Variants in PRKG1 observed in about 807,000 individuals in gnomAD.
The protein encoded by PRKG1 is cGMP-dependent protein kinase 1.
A neutral mutation model predicts 88.1 loss-of-function variants in PRKG1; 35 were observed. The observed-to-expected ratio is 0.40, with a 90% confidence interval of 0.30 to 0.53. The LOEUF (loss-of-function observed/expected upper bound fraction) is 0.53. PRKG1 is among the 20% of genes least tolerant of loss of function. PRKG1 has a pLI of 0.59. For synonymous variants in PRKG1, 303 were observed against 292.5 expected (o/e 1.04, Z -0.37); for missense variants, 540 against 839.8 (o/e 0.64, Z 4.41).
chr10:51,923,833 T>A (rs1401485177), intron 5 of PRKG1, among the ~76,000 whole-genome samples: 2 of 152,104 alleles, frequency 1.3e-5, no homozygotes, highest in Non-Finnish European at 2.9e-5. Flanking sequence ...CCTTTTCTAA[T>A]GCTTTTTTTT....
At chr10:51,835,914 T>C (rs1205729612) in intron 4 of PRKG1, among the ~76,000 whole-genome samples, 1 of 152,236 alleles carries the variant, frequency 6.6e-6, no homozygotes, top group Non-Finnish European at 1.5e-5. Context: ...ATGTTTTTAA[T>C]AATAACAAAT....
At chr10:51,010,486 G>A (rs749641631) in intron 1 of PRKG1, among the ~76,000 whole-genome samples, 18 of 152,176 alleles carry the variant, frequency 1.2e-4, no homozygotes, top group Non-Finnish European at 2.5e-4. Flanking sequence ...TAACCCATCT[G>A]CACACATAAT....
At chr10:51,092,104 G>A (rs897999969) in intron 1 of PRKG1, among the ~76,000 whole-genome samples, 4 of 152,134 alleles carry the variant, frequency 2.6e-5, no homozygotes, top group Non-Finnish European at 5.9e-5. Context: ...GAGTCAACAG[G>A]TTAAAGATAA....
intron 2 of PRKG1, among the ~76,000 whole-genome samples, chr10:51,412,180 T>TGAGAGAGAGAGAGAGAGAGA (rs746950388): frequency 8.0e-6 from 1 of 125,276 alleles, no homozygotes; most frequent in African/African-American, 3.0e-5. Flanking sequence ...GGAGAGAGAG[T>TGAGAGAGAGAGAGAGAGAGA]GAGAGAGAGA....
chr10:51,794,931 A>G (rs919233411), intron 3 of PRKG1, among the ~76,000 whole-genome samples: 1 of 152,030 alleles, frequency 6.6e-6, no homozygotes, highest in Non-Finnish European at 1.5e-5. Flanking sequence ...TAGAAAGGAG[A>G]TAGGACTATT....
intron 2 of PRKG1, among the ~76,000 whole-genome samples, chr10:51,454,605 G>A (rs1353151258): frequency 6.6e-6 from 1 of 152,186 alleles, no homozygotes; most frequent in African/African-American, 2.4e-5. Context: ...CATGGCTGGG[G>A]AGGCCTCATA....
chr10:51,603,124 A>C (rs1371466989), intron 3 of PRKG1, among the ~76,000 whole-genome samples: 1 of 151,632 alleles, frequency 6.6e-6, no homozygotes, highest in Admixed American at 6.6e-5. Context: ...TGCCTGGCTA[A>C]TTTTTGTATT....
At chr10:51,054,798 G>A (rs1843607761) in intron 1 of PRKG1, among the ~76,000 whole-genome samples, 1 of 152,074 alleles carries the variant, frequency 6.6e-6, no homozygotes, top group Non-Finnish European at 1.5e-5. Context: ...ATGACCTTGG[G>A]CAAGTTACTT....
At chr10:51,496,979 T>C (rs1240438803) in intron 3 of PRKG1, among the ~76,000 whole-genome samples, 1 of 152,190 alleles carries the variant, frequency 6.6e-6, no homozygotes, top group Non-Finnish European at 1.5e-5. Flanking sequence ...TTTAGCAAAA[T>C]GACTTCAATA....
At chr10:51,209,514 T>C (rs919091899) in intron 2 of PRKG1, among the ~76,000 whole-genome samples, 2 of 152,222 alleles carry the variant, frequency 1.3e-5, no homozygotes, top group African/African-American at 4.8e-5. Flanking sequence ...ACAGTGTTGA[T>C]TGTCCTATTT....
chr10:51,826,127 C>G (rs1391987420), intron 4 of PRKG1, among the ~76,000 whole-genome samples: 1 of 152,024 alleles, frequency 6.6e-6, no homozygotes, highest in Non-Finnish European at 1.5e-5. Flanking sequence ...AGATTATTAG[C>G]TGGAGAAAAT....
At chr10:51,764,624 T>G (rs535840382) in intron 3 of PRKG1, among the ~76,000 whole-genome samples, 226 of 152,320 alleles carry the variant, frequency 1.5e-3, no homozygotes, top group Non-Finnish European at 2.9e-3. Flanking sequence ...CCGTGTGTGC[T>G]TTCCATAGTA....
At chr10:51,666,907 G>A (rs914157344) in intron 3 of PRKG1, among the ~76,000 whole-genome samples, 13 of 151,962 alleles carry the variant, frequency 8.6e-5, no homozygotes, top group South Asian at 6.2e-4. Flanking sequence ...TGATTTTCCC[G>A]CCTCAGCCTC....
intron 3 of PRKG1, among the ~76,000 whole-genome samples, chr10:51,724,291 T>G (rs1446425792): frequency 6.6e-6 from 1 of 152,204 alleles, no homozygotes; most frequent in Non-Finnish European, 1.5e-5. Context: ...TATTTGCTGA[T>G]ATGGAAGTTT....
At chr10:52,035,399 G>A (rs976491853) in intron 5 of PRKG1, among the ~76,000 whole-genome samples, 11 of 152,120 alleles carry the variant, frequency 7.2e-5, no homozygotes, top group African/African-American at 2.7e-4. Context: ...CTTGAGGATC[G>A]ATTTCCACGA....
At chr10:51,450,208 A>G (rs1839394628) in intron 2 of PRKG1, among the ~76,000 whole-genome samples, 1 of 152,054 alleles carries the variant, frequency 6.6e-6, no homozygotes, top group African/African-American at 2.4e-5. Flanking sequence ...CTTCAGTAAT[A>G]GAAGAATGGT....
intron 3 of PRKG1, among the ~76,000 whole-genome samples, chr10:51,487,952 A>G (rs890803113): frequency 2.0e-5 from 3 of 152,200 alleles, no homozygotes; most frequent in Non-Finnish European, 4.4e-5. Context: ...TTAAAAATAG[A>G]CAATCAGCTT....
At chr10:52,291,202 G>A (rs571817956) in intron 17 of PRKG1, among the ~76,000 whole-genome samples, 4 of 151,720 alleles carry the variant, frequency 2.6e-5, no homozygotes, top group South Asian at 2.1e-4. Flanking sequence ...GATTACAGAC[G>A]TGAGCACCGC....
At position 51,030,023 on chromosome 10, in the gene PRKG1, A is replaced by G. The variant is rs956317292; in HGVS notation, c.266+38379A>G. 7.2e-5 allele frequency among the ~76,000 whole-genome samples: 11 copies of G among 152,178 alleles called. No individual in the cohort carries two copies. The East Asian group carries it at 2.1e-3, about 29-fold the overall frequency. Reference sequence around the variant, plus strand: ...TTAATATTCTTCTGATAGAGAAAATAGCAAACAACTATTAATTGTTACTGT... The same window carrying G: ...TTAATATTCTTCTGATAGAGAAAATGGCAAACAACTATTAATTGTTACTGT... On this transcript the variant is annotated intron_variant, in intron 1 of 17. Coordinates refer to the PRKG1 transcript ENST00000401604.
Sources: gnomAD v4.1 joint callset for allele counts (sites outside exome capture counted in the v4.1 genomes callset) on GRCh38, gnomAD v4.1.1 for gene constraint, MANE v1.5 for transcripts, NCBI Gene and HGNC (gene_info 2026-07-23, HGNC 2026-07-21) for gene names.